RBM18: variants seen among roughly 807,000 people sequenced by gnomAD.
RBM18 encodes RNA binding motif protein 18.
RBM18 carries 18 observed loss-of-function variants against 26.4 expected under a neutral mutation model. The observed-to-expected ratio is 0.68, with a 90% CI of 0.47 to 1.01. RBM18 has a LOEUF of 1.01. Among genes scored for constraint, RBM18 ranks in the 50% least tolerant of loss-of-function variants. The pLI is 0.00. For missense variants in RBM18, 180 were observed against 219.2 expected, an observed-to-expected ratio of 0.82 and a Z score of 1.13; for synonymous variants, 74 against 81.1, an observed-to-expected ratio of 0.91 and a Z score of 0.47.
chr9:122,246,182 A>AG (rs774173133), intron 4 of RBM18, among the ~76,000 whole-genome samples: 6 of 152,220 alleles, frequency 3.9e-5, no homozygotes, highest in Non-Finnish European at 7.3e-5. Context: ...AAATTTTATT[A>AG]GAAAAAATAA....
rs769314347 is a variant in RBM18 at position 122,237,850 on chromosome 9, C to T, written c.*4034G>A. 1 of 152,100 alleles carries T rather than the reference C, an allele frequency of 6.6e-6. No homozygotes were observed. The highest frequency in any genetic ancestry group is 1.5e-5 in the Non-Finnish European group (1 of 68,040). The allele number at this position is 152,100 out of a possible 1,614,324, so 9.4% of individuals were successfully genotyped here. ...AAACAGCCACATGTAAATGCCTGGG[C>T]ATGGTTGTGTTCTAATAGTTATTAA... is the stretch of plus-strand genomic sequence containing the variant. On this transcript the variant is annotated 3_prime_UTR_variant, in exon 6 of 6. Coordinates refer to ENST00000417201, the MANE Select transcript of RBM18 (RefSeq NM_033117.4).
At chr9:122,243,659 A>G (rs2118950621) in intron 5 of RBM18, 1 of 870,432 alleles carries the variant, frequency 1.1e-6, no homozygotes, top group Non-Finnish European at 1.4e-6. Context: ...GAGTATATAC[A>G]TGGGCTTTTG....
chr9:122,246,782 T>C (rs1831512657), intron 4 of RBM18, among the ~76,000 whole-genome samples: 1 of 152,168 alleles, frequency 6.6e-6, no homozygotes, highest in South Asian at 2.1e-4. Flanking sequence ...AACTCAAAAC[T>C]GTCACAAATC....
At chr9:122,244,101 A>T (rs1415963021) in intron 5 of RBM18, among the ~76,000 whole-genome samples, 1 of 152,100 alleles carries the variant, frequency 6.6e-6, no homozygotes, top group East Asian at 1.9e-4. Context: ...ATATGCTCCC[A>T]GTGACTCTAC....
intron 5 of RBM18, 97 bp downstream of exon 5, chr9:122,245,157 AAG>A: frequency 1.4e-6 from 1 of 724,246 alleles, no homozygotes; most frequent in South Asian, 1.6e-5. Context: ...AATAAATTCT[AAG>A]AGTCTGAAGA....
chr9:122,253,689 T>A (rs528409216), intron 2 of RBM18, among the ~76,000 whole-genome samples: 1 of 150,296 alleles, frequency 6.7e-6, no homozygotes, highest in East Asian at 2.0e-4. Flanking sequence ...ACCGTGCCAG[T>A]TGCCACAGAA....
intron 3 of RBM18, 95 bp downstream of exon 3, chr9:122,251,752 T>C (rs1588382816): frequency 8.6e-7 from 1 of 1,159,554 alleles, no homozygotes; most frequent in East Asian, 2.5e-5. Flanking sequence ...GGCTCCTGCC[T>C]ACAGGGAACT....
intron 2 of RBM18, among the ~76,000 whole-genome samples, chr9:122,258,497 A>G (rs1343202449): frequency 5.9e-5 from 9 of 152,068 alleles, no homozygotes; most frequent in Non-Finnish European, 1.2e-4. Flanking sequence ...TCGATTTCCT[A>G]ACCTTGTGAT....
rs1588379772 is a variant in RBM18 at position 122,247,501 on chromosome 9, T to C, written c.327+17A>G. 2.5e-6 allele frequency: 4 copies of C among 1,605,310 alleles called. No individual in the cohort carries two copies. In the South Asian group the frequency reaches 3.3e-5, roughly 13 times the overall value. On this transcript the variant is annotated intron_variant, in intron 4 of 5. Transcript: ENST00000417201. ...TTTAGGATGAGGCTTGATGTCTTTCTAGCCTCTCAGACGTACCTTTACTTG... is the reference window on the plus strand; with the variant it reads ...TTTAGGATGAGGCTTGATGTCTTTCCAGCCTCTCAGACGTACCTTTACTTG...
intron 3 of RBM18, among the ~76,000 whole-genome samples, chr9:122,250,686 A>G (rs1831585899): frequency 6.6e-6 from 1 of 152,142 alleles, no homozygotes. Flanking sequence ...GATAAACATG[A>G]TAATATGATT....
intron 2 of RBM18, among the ~76,000 whole-genome samples, chr9:122,254,890 G>A (rs1218134632): frequency 6.7e-6 from 1 of 150,054 alleles, no homozygotes; most frequent in Non-Finnish European, 1.5e-5. Flanking sequence ...TACAAGGAAG[G>A]TGGTGGTTAA....
chr9:122,243,899 G>A (rs1254390751), intron 5 of RBM18: 1 of 982,624 alleles, frequency 1.0e-6, no homozygotes, highest in African/African-American at 1.8e-5. Context: ...AAAACCCTAG[G>A]CTATCTTGTA....
rs1172408647 is a variant in RBM18, at chr9:122,241,394, AT to A, written c.*489del. ...TCTCTTTTTCAGTCCAGTTGGAGGG[AT>A]TGCCGTAGTAAATTCTGGAACAACA... On this transcript the variant is annotated 3_prime_UTR_variant, in exon 6 of 6. Coordinates refer to ENST00000417201, the MANE Select transcript of RBM18 (RefSeq NM_033117.4). The A allele has an allele frequency of 6.5e-6, 1 of 152,762 alleles. No homozygotes were observed. The highest frequency in any genetic ancestry group is 1.9e-4 in the East Asian group (1 of 5,206). 9.5% of individuals were successfully genotyped at this position (152,762 alleles called of 1,614,324 possible). A position where few individuals can be genotyped will look rare whatever the true frequency, so the allele number is the denominator to read the frequency against.
intron 1 of RBM18, among the ~76,000 whole-genome samples, chr9:122,264,188 T>TA (rs1023335997): frequency 1.3e-5 from 2 of 152,194 alleles, no homozygotes; most frequent in African/African-American, 2.4e-5. Flanking sequence ...CTCGAAGACT[T>TA]AGTTTCTTTT....
chr9:122,250,078 A>AAAAAAAAAAAAG (rs1325974388), intron 3 of RBM18, among the ~76,000 whole-genome samples: 1 of 151,598 alleles, frequency 6.6e-6, no homozygotes, highest in Non-Finnish European at 1.5e-5. Context: ...TAAAAAAAAA[A>AAAAAAAAAAAAG]AAGAATGCTA....
chr9:122,241,842 T>TG lies in RBM18; in HGVS notation c.*41dup. On this transcript the variant is annotated 3_prime_UTR_variant, in exon 6 of 6. Transcript: ENST00000417201. ...GTACACAGGCAGACGATTTTAGGTG[T>TG]GGAGACCAATTTGCTTTTGCTGCTA... 6.3e-7 allele frequency: 1 copy of TG among 1,595,606 alleles called. No homozygotes were observed. Among genetic ancestry groups the TG allele is most frequent in the African/African-American group, 1.3e-5 (1 of 74,348 alleles).
intron 2 of RBM18, among the ~76,000 whole-genome samples, chr9:122,256,442 A>G (rs1466454667): frequency 6.6e-6 from 1 of 152,226 alleles, no homozygotes; most frequent in Non-Finnish European, 1.5e-5. Context: ...CACATCTAAT[A>G]CTTGTAAAAG....
chr9:122,251,721 G>A (rs1588382793), intron 3 of RBM18, 126 bp downstream of exon 3: 2 of 786,448 alleles, frequency 2.5e-6, no homozygotes, highest in East Asian at 2.7e-5. Context: ...TCAGTGTAAG[G>A]CACACAGATG....
In RBM18 at chr9:122,239,461, T is replaced by C. The variant is rs1341069786; in HGVS notation, c.*2423A>G. The C allele has an allele frequency of 2.6e-5, 4 of 152,332 alleles. No homozygotes were observed. Among genetic ancestry groups the C allele is most frequent in the Middle Eastern group, 6.8e-3 (2 of 294 alleles). The allele number at this position is 152,332 out of a possible 1,614,324, so 9.4% of individuals were successfully genotyped here. A position where few individuals can be genotyped will look rare whatever the true frequency, so the allele number is the denominator to read the frequency against. On this transcript the variant is annotated 3_prime_UTR_variant, in exon 6 of 6. Coordinates refer to ENST00000417201, the MANE Select transcript of RBM18 (RefSeq NM_033117.4). ...AAAATAGGAATTGAGATGAAGAAAA[T>C]AGTTCATACGTCTCTCCTCAGTATT... is the stretch of plus-strand genomic sequence containing the variant.
Sources: allele counts gnomAD v4.1 joint callset (sites outside exome capture counted in the v4.1 genomes callset), GRCh38; gene constraint gnomAD v4.1.1; transcripts MANE v1.5; gene names NCBI Gene and HGNC (gene_info 2026-07-23, HGNC 2026-07-21).